Variants in ELMO2 observed in about 807,000 individuals in gnomAD.
ELMO2 encodes the protein engulfment and cell motility protein 2.
ELMO2 carries 37 observed loss-of-function variants against 96.2 expected under a neutral mutation model. That is an observed-to-expected ratio of 0.38 (90% confidence interval 0.30 to 0.51). The LOEUF (loss-of-function observed/expected upper bound fraction) is 0.51. ELMO2 is among the 20% of genes least tolerant of loss of function. The pLI is 0.88. For synonymous variants in ELMO2, 315 were observed against 329.4 expected, an observed-to-expected ratio of 0.96 and a Z score of 0.47; for missense variants, 561 against 912.6, an observed-to-expected ratio of 0.61 and a Z score of 4.96.
chr20:46,376,676 T>C (rs1181453573), intron 11 of ELMO2: 12 of 1,289,574 alleles, frequency 9.3e-6, no homozygotes, highest in Non-Finnish European at 1.2e-5. Context: ...TGCTCCCTTG[T>C]ATTTGTCACT....
At chr20:46,402,969 T>C (rs886661880) in intron 1 of ELMO2, among the ~76,000 whole-genome samples, 8 of 152,232 alleles carry the variant, frequency 5.3e-5, no homozygotes, top group African/African-American at 1.9e-4. Context: ...GGGAAAGGCC[T>C]GAACTTGGAT....
At chr20:46,369,980 G>A in intron 20 of ELMO2, 1 of 325,960 alleles carries the variant, frequency 3.1e-6, no homozygotes, top group Non-Finnish European at 5.8e-6. Flanking sequence ...GTGTGTGTGT[G>A]TGTGTGTGTG....
rs1478412938 is a variant in ELMO2, at chr20:46,366,650, C to T, written c.*710G>A. The T allele has an allele frequency of 6.6e-6, 1 of 152,344 alleles. No individual in the cohort carries two copies. Among genetic ancestry groups the T allele is most frequent in the Admixed American group, 6.5e-5 (1 of 15,288 alleles). The allele number at this position is 152,344 out of a possible 1,614,324, so 9.4% of individuals were successfully genotyped here. ...GGCCCAGGCCTCAGCTGGGTTTTCCCTGCAGCGTTCCTGGAGACTTAAGAG... is the reference window on the plus strand; with the variant it reads ...GGCCCAGGCCTCAGCTGGGTTTTCCTTGCAGCGTTCCTGGAGACTTAAGAG... On this transcript the variant is annotated 3_prime_UTR_variant, in exon 22 of 22. Coordinates refer to ENST00000290246, the MANE Select transcript of ELMO2 (RefSeq NM_133171.5).
chr20:46,383,562 G>T, intron 9 of ELMO2, 68 bp from the exon 10 acceptor site: 1 of 1,407,292 alleles, frequency 7.1e-7, no homozygotes, highest in Non-Finnish European at 1.0e-6. Flanking sequence ...GCTTAGAAAT[G>T]GTTTAAAACA....
At chr20:46,368,815 G>A (rs2059635886) in intron 21 of ELMO2, 76 bp downstream of exon 21, 2 of 1,532,110 alleles carry the variant, frequency 1.3e-6, no homozygotes, top group Admixed American at 3.4e-5. Flanking sequence ...GGACTTTCCT[G>A]TTTTGCTCAT....
chr20:46,403,245 G>C (rs1249503776), intron 1 of ELMO2, among the ~76,000 whole-genome samples: 2 of 152,160 alleles, frequency 1.3e-5, no homozygotes, highest in Non-Finnish European at 2.9e-5. Flanking sequence ...CAATACAAAA[G>C]GCAAAGCATT....
chr20:46,380,127 T>C (rs2059929658), intron 11 of ELMO2, 126 bp downstream of exon 11: 9 of 783,780 alleles, frequency 1.1e-5, no homozygotes, highest in Non-Finnish European at 1.9e-5. Context: ...AAGAGGTATT[T>C]ACCTATTGAT....
intron 15 of ELMO2, among the ~76,000 whole-genome samples, 153 bp from the exon 16 acceptor site, chr20:46,373,688 C>T (rs1456022097): frequency 6.6e-6 from 1 of 152,134 alleles, no homozygotes; most frequent in Non-Finnish European, 1.5e-5. Context: ...TTCTCACGTC[C>T]TTAGCTTTCT....
rs1371710078 is a variant in ELMO2, at chr20:46,389,982, G to A, written c.244-762C>T. Among the ~76,000 whole-genome samples the A allele has an allele frequency of 5.9e-5, 9 of 151,832 alleles. No homozygotes were observed. The East Asian group carries it at 1.4e-3, about 23-fold the overall frequency. Reference sequence around the variant, plus strand: ...AACCTGACCAACATGATGAAACCCCGTCTCTACTAAAAACACAAAAATTAG... The same window carrying A: ...AACCTGACCAACATGATGAAACCCCATCTCTACTAAAAACACAAAAATTAG... On this transcript the variant is annotated intron_variant, in intron 6 of 21. Coordinates refer to ENST00000290246, the MANE Select transcript of ELMO2 (RefSeq NM_133171.5).
intron 2 of ELMO2, among the ~76,000 whole-genome samples, chr20:46,397,256 C>T (rs970709450): frequency 1.3e-5 from 2 of 152,208 alleles, no homozygotes; most frequent in Admixed American, 1.3e-4. Flanking sequence ...GTCCTTCCCA[C>T]AAAGCCCAGG....
At chr20:46,384,805 A>T (rs1215560990) in intron 9 of ELMO2, among the ~76,000 whole-genome samples, 6 of 151,772 alleles carry the variant, frequency 4.0e-5, no homozygotes, top group Admixed American at 6.6e-5. Flanking sequence ...CAAAAATAAA[A>T]AAAAAAAAAA....
intron 11 of ELMO2, among the ~76,000 whole-genome samples, chr20:46,378,446 C>T (rs1295593389): frequency 6.6e-6 from 1 of 152,198 alleles, no homozygotes; most frequent in African/African-American, 2.4e-5. Flanking sequence ...ATTAAATTTC[C>T]TTCAGAAGGG....
intron 5 of ELMO2, 63 bp downstream of exon 5, chr20:46,393,466 G>A (rs753100114): frequency 2.0e-5 from 31 of 1,545,242 alleles, no homozygotes; most frequent in African/African-American, 6.8e-5. Context: ...AAATAGTGCC[G>A]TCTCCTTGGG....
intron 7 of ELMO2, chr20:46,387,697 C>T (rs532536068): frequency 6.6e-5 from 23 of 350,656 alleles, no homozygotes; most frequent in South Asian, 2.8e-4. Flanking sequence ...TGCTTCATCC[C>T]AGGGACACAG....
intron 1 of ELMO2, among the ~76,000 whole-genome samples, chr20:46,405,484 G>C (rs996374696): frequency 1.3e-5 from 2 of 152,200 alleles, no homozygotes; most frequent in African/African-American, 4.8e-5. Flanking sequence ...AGACAGACTT[G>C]GGAGAGGTCA....
chr20:46,375,855 A>G lies in ELMO2; in HGVS notation c.808-65T>C. The G allele has an allele frequency of 6.3e-7, 1 of 1,596,950 alleles. No individual in the cohort carries two copies. Among genetic ancestry groups the G allele is most frequent in the East Asian group, 2.2e-5 (1 of 44,590 alleles). ...TCTCTTTTAATGAAGGGCCACATCC[A>G]TGCTAAGGAAAAGGAATGTATGTTG... On this transcript the variant is annotated intron_variant, in intron 11 of 21. Coordinates refer to ENST00000290246, the MANE Select transcript of ELMO2 (RefSeq NM_133171.5). This position sits in a 1 kb window ranked among gnomAD's most constrained non-coding sequence, Gnocchi z 4.6.
chr20:46,378,005 A>G (rs1377519582), intron 11 of ELMO2, among the ~76,000 whole-genome samples: 1 of 151,968 alleles, frequency 6.6e-6, no homozygotes, highest in Non-Finnish European at 1.5e-5. Context: ...CGTCTATCCT[A>G]TTCCTCTCTC....
chr20:46,374,138 C>T (rs2059799823), intron 15 of ELMO2, among the ~76,000 whole-genome samples, 194 bp downstream of exon 15: 1 of 126,678 alleles, frequency 7.9e-6, no homozygotes. Context: ...GATGGGGTCT[C>T]ACTATGTTGC....
chr20:46,375,455 C>A lies in ELMO2; in HGVS notation c.931-85G>T. 2 of 1,557,874 alleles carry A rather than the reference C, an allele frequency of 1.3e-6. No individual in the cohort carries two copies. Among genetic ancestry groups the A allele is most frequent in the Non-Finnish European group, 1.7e-6 (2 of 1,149,250 alleles). On this transcript the variant is annotated intron_variant, in intron 12 of 21. Transcript: ENST00000290246. This position sits in a 1 kb window ranked among gnomAD's most constrained non-coding sequence, Gnocchi z 4.6. ...AAACAGTGGGTCAGGCTTTTCTGGG[C>A]CAAACTTTGGCCCCAATCAATCCCT...
Sources: gnomAD v4.1 joint callset for allele counts (sites outside exome capture counted in the v4.1 genomes callset) on GRCh38, gnomAD v4.1.1 for gene constraint, Gnocchi (gnomAD v3.1) non-coding constraint, MANE v1.5 for transcripts, NCBI Gene and HGNC (gene_info 2026-07-23, HGNC 2026-07-21) for gene names.